LAMA2: variants seen among roughly 807,000 people sequenced by gnomAD.
The protein encoded by LAMA2 is laminin subunit alpha 2, also known as laminin subunit alpha-2.
A neutral mutation model predicts 364.8 loss-of-function variants in LAMA2; 269 were observed. The ratio of observed to expected loss-of-function variants is 0.74; its 90% CI spans 0.67 to 0.82. The LOEUF is 0.82. LAMA2 is among the 40% of genes least tolerant of loss of function. LAMA2 has a pLI of 0.00. For missense variants in LAMA2, 3,807 were observed against 3,873.2 expected, an observed-to-expected ratio of 0.98 and a Z score of 0.45; for synonymous variants, 1,379 against 1,370.6, an observed-to-expected ratio of 1.01 and a Z score of -0.14.
chr6:129,114,369 C>T (rs556300625), intron 4 of LAMA2, among the ~76,000 whole-genome samples: 1 of 152,094 alleles, frequency 6.6e-6, no homozygotes, highest in Admixed American at 6.6e-5. Context: ...AATGAGTAAA[C>T]AAGTCATCTT....
intron 1 of LAMA2, among the ~76,000 whole-genome samples, chr6:128,904,451 T>C (rs1777287806): frequency 6.9e-6 from 1 of 145,086 alleles, no homozygotes; most frequent in Admixed American, 6.8e-5. Flanking sequence ...TTTTTTCCTT[T>C]CTTTTTTTTT....
chr6:128,981,135 T>C (rs11154452), intron 1 of LAMA2, among the ~76,000 whole-genome samples: 23,299 of 152,052 alleles, frequency 0.15, 3,450 homozygotes, highest in African/African-American at 0.39. Context: ...ACTTAATTAA[T>C]TGAACGATTT....
At chr6:129,197,488 G>A (rs761382972) in intron 12 of LAMA2, among the ~76,000 whole-genome samples, 1 of 152,144 alleles carries the variant, frequency 6.6e-6, no homozygotes. Flanking sequence ...CCCCCACCTC[G>A]CTTCAAGATG....
intron 32 of LAMA2, among the ~76,000 whole-genome samples, chr6:129,356,032 A>G (rs1777135297): frequency 6.6e-6 from 1 of 152,162 alleles, no homozygotes; most frequent in African/African-American, 2.4e-5. Context: ...AACAAAGCCA[A>G]TGCAGGAACT....
intron 1 of LAMA2, among the ~76,000 whole-genome samples, chr6:128,930,771 C>T (rs563390817): frequency 6.6e-6 from 1 of 152,290 alleles, no homozygotes; most frequent in South Asian, 2.1e-4. Flanking sequence ...TGAAATAGAA[C>T]TCTAATTATA....
intron 33 of LAMA2, among the ~76,000 whole-genome samples, chr6:129,367,161 G>A (rs1765652617): frequency 1.3e-5 from 2 of 152,180 alleles, no homozygotes; most frequent in African/African-American, 4.8e-5. Flanking sequence ...TGTGGTTAAA[G>A]CTTTTGGTAG....
intron 1 of LAMA2, among the ~76,000 whole-genome samples, chr6:129,024,195 A>G (rs1163920033): frequency 6.6e-6 from 1 of 152,080 alleles, no homozygotes; most frequent in Non-Finnish European, 1.5e-5. Flanking sequence ...TTAGAATTGG[A>G]TCTTATCGAG....
At chr6:128,917,706 T>TTTTTTTTCTTTC (rs1554322937) in intron 1 of LAMA2, among the ~76,000 whole-genome samples, 14 of 98,384 alleles carry the variant, frequency 1.4e-4, no homozygotes, top group African/African-American at 5.5e-4. Flanking sequence ...TTTCTTTTTT[T>TTTTTTTTCTTTC]TTTCTTTCTT....
chr6:129,103,325 C>G (rs1309273043), intron 4 of LAMA2, among the ~76,000 whole-genome samples: 1 of 152,164 alleles, frequency 6.6e-6, no homozygotes, highest in Non-Finnish European at 1.5e-5. Flanking sequence ...TAAGTTTACA[C>G]ACATGTATGA....
rs1787230052 is a variant in LAMA2 at position 129,262,874 on chromosome 6, G to C, written c.2208+2052G>C. On this transcript the variant is annotated intron_variant, in intron 15 of 64. Coordinates refer to ENST00000421865, the MANE Select transcript of LAMA2 (RefSeq NM_000426.4). ...TTGCTGAGAACCTCTGGCCAAAAAAGGATCAAATGACTCCATTGTAGACAT... is the reference window on the plus strand; with the variant it reads ...TTGCTGAGAACCTCTGGCCAAAAAACGATCAAATGACTCCATTGTAGACAT... 2.0e-5 allele frequency among the ~76,000 whole-genome samples: 3 copies of C among 151,918 alleles called. No homozygotes were observed. In the South Asian group the frequency reaches 6.2e-4, roughly 31 times the overall value.
intron 29 of LAMA2, among the ~76,000 whole-genome samples, chr6:129,339,375 T>A (rs1776129863): frequency 6.6e-6 from 1 of 152,128 alleles, no homozygotes; most frequent in Admixed American, 6.5e-5. Context: ...TATTACAAGG[T>A]TTAGCAAGAG....
At chr6:129,442,992 A>C in intron 43 of LAMA2, 71 bp from the exon 44 acceptor site, 1 of 1,169,810 alleles carries the variant, frequency 8.5e-7, no homozygotes, top group Non-Finnish European at 1.3e-6. Flanking sequence ...ACTTTATAAT[A>C]TTTATAGAAA....
intron 4 of LAMA2, among the ~76,000 whole-genome samples, chr6:129,138,293 C>A (rs1777920653): frequency 6.6e-6 from 1 of 151,840 alleles, no homozygotes; most frequent in Admixed American, 6.6e-5. Context: ...TCTGAATATG[C>A]AAATGAGCAG....
At chr6:129,443,897 A>T (rs1299828074) in intron 44 of LAMA2, among the ~76,000 whole-genome samples, 1 of 152,236 alleles carries the variant, frequency 6.6e-6, no homozygotes, top group Admixed American at 6.5e-5. Flanking sequence ...TGAAATAACA[A>T]TTCTAAACAA....
At chr6:129,183,794 A>G (rs912607380) in intron 10 of LAMA2, among the ~76,000 whole-genome samples, 4 of 152,018 alleles carry the variant, frequency 2.6e-5, no homozygotes, top group Admixed American at 6.6e-5. Context: ...ATGATCTCAT[A>G]ATGAGTAATT....
intron 29 of LAMA2, among the ~76,000 whole-genome samples, chr6:129,329,942 A>G (rs1242980743): frequency 6.6e-6 from 1 of 152,110 alleles, no homozygotes. Context: ...ACCTCCTGTC[A>G]GATCAGAGAC....
At chr6:129,088,519 C>T (rs536993976) in intron 3 of LAMA2, among the ~76,000 whole-genome samples, 7,101 of 147,480 alleles carry the variant, frequency 0.048, 222 homozygotes, top group Non-Finnish European at 0.076. Context: ...GCTGGCCAGG[C>T]GGGGGCTGCC....
chr6:129,045,221 T>C (rs1171183320), intron 1 of LAMA2, among the ~76,000 whole-genome samples: 3 of 152,182 alleles, frequency 2.0e-5, no homozygotes, highest in Non-Finnish European at 4.4e-5. Flanking sequence ...GAGCACATAA[T>C]CAGTAACTGT....
At position 129,204,151 on chromosome 6, in the gene LAMA2, G is replaced by A. The variant is rs183652118; in HGVS notation, c.1782+11298G>A. 2.5e-3 allele frequency among the ~76,000 whole-genome samples: 374 copies of A among 152,264 alleles called. 3 individuals carry two copies. The highest frequency in any genetic ancestry group is 8.5e-3 in the African/African-American group (352 of 41,546). ...AGTACGTAGATTATATGCCTTTAAT[G>A]GCAGCTTTGCAGCAAAGTGCAAAAC... is the stretch of plus-strand genomic sequence containing the variant. On this transcript the variant is annotated intron_variant, in intron 12 of 64. Transcript: ENST00000421865.
Sources: gnomAD v4.1 joint callset for allele counts (sites outside exome capture counted in the v4.1 genomes callset) on GRCh38, gnomAD v4.1.1 for gene constraint, MANE v1.5 for transcripts, NCBI Gene and HGNC (gene_info 2026-07-23, HGNC 2026-07-21) for gene names.